The following IPO4 variants were observed in gnomAD, a reference collection of about 807,000 sequenced individuals.
The protein encoded by IPO4 is importin-4.
A neutral mutation model predicts 133.5 loss-of-function variants in IPO4; 91 were observed. That is an observed-to-expected ratio of 0.68 (90% confidence interval 0.58 to 0.81). The LOEUF (loss-of-function observed/expected upper bound fraction) is 0.81, where lower values mean the gene tolerates loss of function less well. Ranked by LOEUF, IPO4 falls within the 30% of genes least tolerant of loss-of-function variation. The pLI is 0.00. For missense variants in IPO4, 1,279 were observed against 1,386.2 expected (o/e 0.92, Z 1.23); for synonymous variants, 607 against 581.6 (o/e 1.04, Z -0.63).
rs1309881609 is a variant in IPO4, at chr14:24,187,785, C to T, written c.290G>A (p.Ser97Asn). 6.2e-7 allele frequency: 1 copy of T among 1,614,160 alleles called. No individual in the cohort carries two copies. The highest frequency in any genetic ancestry group is 1.7e-5 in the Admixed American group (1 of 60,016). ...ALQRETEHCV[S>N]LSLAQLSATI... Reference sequence around the variant, plus strand: ...GGCTGAGAGCTGGGCCAGGCTGAGGCTCACACAGTGCCTGCAAACAGGAGA... The same window carrying T: ...GGCTGAGAGCTGGGCCAGGCTGAGGTTCACACAGTGCCTGCAAACAGGAGA... Residue 97 changes from serine to asparagine, a missense_variant, in exon 5 of 30, where the codon AGC (serine) becomes AAC (asparagine). Ser to Asn is a conservative substitution (Grantham distance 46). Transcript: ENST00000354464.
chr14:24,184,146 C>T (rs961925791), intron 17 of IPO4, 37 bp from the exon 18 acceptor site: 2 of 1,595,998 alleles, frequency 1.3e-6, no homozygotes, highest in South Asian at 2.2e-5. Flanking sequence ...TAAGGTCCTG[C>T]CTGCTACCAC....
At chr14:24,187,032 C>G (rs936295983) in intron 7 of IPO4, 53 bp from the exon 8 acceptor site, 57 of 1,611,934 alleles carry the variant, frequency 3.5e-5, no homozygotes, top group Middle Eastern at 1.6e-4. Context: ...GTGGGCCAAA[C>G]TGGACACTTC....
intron 5 of IPO4, 33 bp downstream of exon 5, chr14:24,187,634 A>G (rs1426610240): frequency 1.2e-6 from 2 of 1,613,528 alleles, no homozygotes; most frequent in Non-Finnish European, 1.7e-6. Flanking sequence ...CCAGCCTCTC[A>G]GGCCCTCCCT....
At chr14:24,188,475 G>T (rs747732026) in intron 2 of IPO4, 52 bp from the exon 3 acceptor site, 1 of 1,607,896 alleles carries the variant, frequency 6.2e-7, no homozygotes, top group South Asian at 1.1e-5. Context: ...GTGCTGAGCG[G>T]ACCGCAGTGG....
rs749806382 is a variant in IPO4 at position 24,188,601 on chromosome 14, G to T, written c.107C>A (p.Ala36Asp). ...CAGGTCGCAGAGAGCCGGCAAAGCG[G>T]CGGGGGCCCGAAGAACGATCTGGAG... ...EQLQIVLRAP[A>D]ALPALCDLLA... The change falls in exon 2 of 30, where the codon GCC becomes GAC. Residue 36 changes from alanine (A) to aspartate (D), a missense_variant. Physicochemically the swap from Ala to Asp is moderately radical, Grantham distance 126. Coordinates refer to ENST00000354464, the MANE Select transcript of IPO4 (RefSeq NM_024658.4). 8 of 1,612,094 alleles carry T rather than the reference G, an allele frequency of 5.0e-6. No individual in the cohort carries two copies. The South Asian group carries it at 6.6e-5, about 13-fold the overall frequency.
rs66947172 is a variant in IPO4, at chr14:24,186,086, A to C, written c.1059+43T>G. On this transcript the variant is annotated intron_variant, in intron 11 of 29. Coordinates refer to ENST00000354464, the MANE Select transcript of IPO4 (RefSeq NM_024658.4). ...GTCGTTGGCCTCAGGGGGACTAGGCACACTTGGAGGTAGGGACACCAGAAG... is the reference window on the plus strand; with the variant it reads ...GTCGTTGGCCTCAGGGGGACTAGGCCCACTTGGAGGTAGGGACACCAGAAG... 7.8e-3 allele frequency: 12,496 copies of C among 1,610,756 alleles called. 853 individuals are homozygous for C. The African/African-American group carries it at 0.15, about 19-fold the overall frequency.
intron 28 of IPO4, among the ~76,000 whole-genome samples, chr14:24,181,253 C>A (rs1488275601): frequency 1.3e-5 from 2 of 152,188 alleles, no homozygotes; most frequent in African/African-American, 4.8e-5. Context: ...CTGGCTCAGA[C>A]CAAAGGGTAG....
rs73604934 is a variant in IPO4 at position 24,188,767 on chromosome 14, C to T, written c.21G>A (p.Glu7=). 3.7e-4 allele frequency: 568 copies of T among 1,518,728 alleles called. 1 individual carries two copies. The African/African-American group carries it at 5.1e-3, about 14-fold the overall frequency. The allele number at this position is 1,518,728 out of a possible 1,614,324, so 94.1% of individuals were successfully genotyped here. Residue 7 remains glutamate (E), a synonymous_variant, in exon 1 of 30, where the codon GAG becomes GAA. Transcript: ENST00000354464. ...GTAGCAGCAGCTCCCGTAGGAGCTG[C>T]TCTAGCCCGGCTGACTCCATGGCAG... The part of the protein sequence containing the change: MESAGL[E]QLLRELLLPD...
At position 24,185,267 on chromosome 14, in the gene IPO4, C is replaced by T. The variant is rs761658488; in HGVS notation, c.1324G>A (p.Ala442Thr). 3.1e-6 allele frequency: 5 copies of T among 1,614,110 alleles called. No individual in the cohort carries two copies. The highest frequency in any genetic ancestry group is 1.1e-5 in the South Asian group (1 of 91,080). The part of the protein sequence containing the change: ...YSREVMPLLL[A>T]YLKSVPLGHT... ...CCAAGAGGCACCGACTTCAAGTAGG[C>T]GAGGAGCAGTGGCATTACCTCCCTT... The change falls in exon 14 of 30, where the codon GCC becomes ACC. Residue 442 changes from alanine to threonine, a missense_variant. This residue lies in a region of IPO4 where 695 missense variants were observed against 704.1 expected (regional missense o/e 0.99). Transcript: ENST00000354464.
chr14:24,188,571 G>A lies in IPO4; in HGVS notation c.137C>T (p.Ala46Val). 1 of 1,613,068 alleles carries A rather than the reference G, an allele frequency of 6.2e-7. No individual in the cohort carries two copies. The highest frequency in any genetic ancestry group is 8.5e-7 in the Non-Finnish European group (1 of 1,179,686). Residue 46 changes from alanine to valine, a missense_variant, in exon 2 of 30, where the codon GCC becomes GTC. Around this residue, in one of 3 missense-constraint regions of IPO4, gnomAD observed 695 missense variants for 704.1 expected, o/e 0.99. Transcript: ENST00000354464. ...AALPALCDLL[A>V]SAADPQIRQF... ...TCTCACCTGGGGGTCGGCCGCCGAG[G>A]CTAGCAGGTCGCAGAGAGCCGGCAA...
Position 24,183,997 on chromosome 14 carries a change from C to G in IPO4, c.1869+1G>C. The G allele has an allele frequency of 7.4e-7, 1 of 1,350,056 alleles. No individual in the cohort carries two copies. Among genetic ancestry groups the G allele is most frequent in the Non-Finnish European group, 1.0e-6 (1 of 981,544 alleles). 83.6% of individuals were successfully genotyped at this position (1,350,056 alleles called of 1,614,324 possible). ...GCCCAGCCCACCCACCCTTTGCTCACCACAATGCCCTCGGTGGAACGCAGT... is the reference window on the plus strand; with the variant it reads ...GCCCAGCCCACCCACCCTTTGCTCAGCACAATGCCCTCGGTGGAACGCAGT... On this transcript the variant is annotated splice_donor_variant, in intron 18 of 29. Coordinates refer to ENST00000354464, the MANE Select transcript of IPO4 (RefSeq NM_024658.4). LOFTEE classifies it high-confidence loss of function.
chr14:24,184,963 A>C lies in IPO4; in HGVS notation c.1426T>G (p.Tyr476Asp). The change falls in exon 15 of 30, where the codon TAC becomes GAC. Residue 476 changes from tyrosine to aspartate, a missense_variant. Around this residue, in one of 3 missense-constraint regions of IPO4, gnomAD observed 695 missense variants for 704.1 expected, o/e 0.99. Transcript: ENST00000354464. ...VENLGPKVQP[Y>D]LPELMECMLQ... is the part of the protein sequence containing the mutation. The stretch of plus-strand genomic sequence containing the variant: ...ATGCATTCCATAAGCTCCGGAAGGT[A>C]GGGCTGCACCTTGGGCCCTGTGGGA... 6.2e-7 allele frequency: 1 copy of C among 1,613,874 alleles called. No homozygotes were observed. Among genetic ancestry groups the C allele is most frequent in the South Asian group, 1.1e-5 (1 of 91,032 alleles).
intron 15 of IPO4, 50 bp from the exon 16 acceptor site, chr14:24,184,813 G>A (rs770421340): frequency 6.9e-6 from 11 of 1,604,426 alleles, no homozygotes; most frequent in South Asian, 4.4e-5. Context: ...GGGACCACCA[G>A]CCACAGGGCC....
intron 26 of IPO4, 45 bp from the exon 27 acceptor site, chr14:24,181,888 C>T (rs1488723441): frequency 6.2e-7 from 1 of 1,604,148 alleles, no homozygotes; most frequent in East Asian, 2.2e-5. Context: ...GTAGACCTTG[C>T]CCACCTGCAA....
intron 23 of IPO4, 52 bp downstream of exon 23, chr14:24,182,924 C>A: frequency 6.2e-7 from 1 of 1,613,430 alleles, no homozygotes; most frequent in African/African-American, 1.3e-5. Context: ...GTAGCCAGTC[C>A]CCAACCGAGG....
rs774751024 is a variant in IPO4 at position 24,185,254 on chromosome 14, G to C, written c.1337C>G (p.Ser446Trp). 1.8e-5 allele frequency: 29 copies of C among 1,613,992 alleles called. No homozygotes were observed. Among genetic ancestry groups the C allele is most frequent in the Non-Finnish European group, 2.4e-5 (28 of 1,180,020 alleles). ...GTGGTGTGTGTGTCCAAGAGGCACC[G>C]ACTTCAAGTAGGCGAGGAGCAGTGG... ...VMPLLLAYLK[S>W]VPLGHTHHLA... is the part of the protein sequence containing the mutation. Residue 446 changes from serine (S) to tryptophan (W), a missense_variant, in exon 14 of 30, where the codon TCG becomes TGG. Ser to Trp is a radical substitution (Grantham distance 177). Around this residue, in one of 3 missense-constraint regions of IPO4, gnomAD observed 695 missense variants for 704.1 expected, o/e 0.99. Coordinates refer to ENST00000354464, the MANE Select transcript of IPO4 (RefSeq NM_024658.4).
rs1463524307 is a variant in IPO4 at position 24,185,874 on chromosome 14, G to A, written c.1156C>T (p.His386Tyr). The stretch of plus-strand genomic sequence containing the variant: ...GGGAATACATACCTCTGCCTGATGT[G>A]GTCGCCAGCTCCGTCAGACAGCACG... The part of the protein sequence containing the change: ...LAVLSDGAGD[H>Y]IRQRLLPPLL... Residue 386 changes from histidine to tyrosine, a missense_variant, in exon 12 of 30, where the codon CAC (histidine) becomes TAC (tyrosine). Physicochemically the swap from His to Tyr is moderately conservative, Grantham distance 83 (BLOSUM62 2). Transcript: ENST00000354464. The A allele has an allele frequency of 6.2e-7, 1 of 1,613,278 alleles. No individual in the cohort carries two copies.
In IPO4 at chr14:24,182,177, A is replaced by C. The variant is rs754602314; in HGVS notation, c.2599-14T>G. Reference sequence around the variant, plus strand: ...GCAGCCCTGTTTCTGATGGGGGAGAACAGGAAGGAGTACAGATCAGCCTGG... The same window carrying C: ...GCAGCCCTGTTTCTGATGGGGGAGACCAGGAAGGAGTACAGATCAGCCTGG... On this transcript the variant is annotated splice_polypyrimidine_tract_variant and intron_variant, in intron 25 of 29. Transcript: ENST00000354464. 5.0e-6 allele frequency: 8 copies of C among 1,614,086 alleles called. No homozygotes were observed. The highest frequency in any genetic ancestry group is 6.8e-6 in the Non-Finnish European group (8 of 1,179,988).
rs758300103 is a variant in IPO4 at position 24,188,433 on chromosome 14, G to A, written c.157-10C>T. On this transcript the variant is annotated splice_polypyrimidine_tract_variant and intron_variant, in intron 2 of 29. Coordinates refer to ENST00000354464, the MANE Select transcript of IPO4 (RefSeq NM_024658.4). ...CCGCAAACTGGCGGATCTAGGACGAGGAAGCAAGCACGTGGGGGTCCGGGC... is the reference window on the plus strand; with the variant it reads ...CCGCAAACTGGCGGATCTAGGACGAAGAAGCAAGCACGTGGGGGTCCGGGC... The A allele has an allele frequency of 1.6e-5, 26 of 1,610,484 alleles. 1 individual carries two copies. The East Asian group carries it at 5.3e-4, about 33-fold the overall frequency.
Sources: gnomAD v4.1 joint callset for allele counts (sites outside exome capture counted in the v4.1 genomes callset) on GRCh38, gnomAD v4.1.1 for gene constraint, gnomAD v4.1.1 regional missense constraint, MANE v1.5 for transcripts, NCBI Gene and HGNC (gene_info 2026-07-23, HGNC 2026-07-21) for gene names.